The following GRIA1 variants were observed in gnomAD, a reference collection of about 807,000 sequenced individuals.
GRIA1 encodes glutamate ionotropic receptor AMPA type subunit 1.
GRIA1 carries 31 observed loss-of-function variants against 99.2 expected under a neutral mutation model. The observed-to-expected ratio is 0.31, with a 90% CI of 0.23 to 0.42. The LOEUF is 0.42. GRIA1 is among the 10% of genes least tolerant of loss of function. GRIA1 has a pLI of 1.00. For synonymous variants in GRIA1, 438 were observed against 432.4 expected, an observed-to-expected ratio of 1.01 and a Z score of -0.16; for missense variants, 782 against 1,157.5, an observed-to-expected ratio of 0.68 and a Z score of 4.71.
At chr5:153,648,021 C>T (rs1754285202) in intron 3 of GRIA1, among the ~76,000 whole-genome samples, 2 of 152,236 alleles carry the variant, frequency 1.3e-5, no homozygotes, top group South Asian at 4.1e-4. Flanking sequence ...ATAATTTATT[C>T]ACTACTGGTG....
chr5:153,801,998 G>C (rs1311078563), intron 14 of GRIA1, among the ~76,000 whole-genome samples: 1 of 151,650 alleles, frequency 6.6e-6, no homozygotes, highest in Non-Finnish European at 1.5e-5. Context: ...GAAGGGACAT[G>C]GTTTTTTGAA....
chr5:153,620,362 C>A (rs77472589), intron 2 of GRIA1, among the ~76,000 whole-genome samples: 36 of 151,872 alleles, frequency 2.4e-4, no homozygotes, highest in Admixed American at 2.1e-3. Context: ...TGAGACAATG[C>A]GACAAGCACT....
intron 11 of GRIA1, among the ~76,000 whole-genome samples, chr5:153,748,226 A>C (rs1222681220): frequency 1.3e-5 from 2 of 152,228 alleles, no homozygotes; most frequent in African/African-American, 4.8e-5. Flanking sequence ...GGAGGTAATG[A>C]TACTTAGAGT....
intron 2 of GRIA1, among the ~76,000 whole-genome samples, chr5:153,589,599 G>T (rs1439637494): frequency 6.6e-6 from 1 of 151,998 alleles, no homozygotes; most frequent in African/African-American, 2.4e-5. Context: ...GTGTGATTCG[G>T]TGGTTTTATT....
At chr5:153,701,991 G>T (rs1368417185) in intron 10 of GRIA1, among the ~76,000 whole-genome samples, 1 of 152,170 alleles carries the variant, frequency 6.6e-6, no homozygotes, top group East Asian at 1.9e-4. Flanking sequence ...GACTTCATGA[G>T]GTGGGTAAGA....
chr5:153,624,759 A>C (rs534362662), intron 2 of GRIA1, among the ~76,000 whole-genome samples: 6 of 152,348 alleles, frequency 3.9e-5, no homozygotes, highest in East Asian at 1.9e-4. Flanking sequence ...AGATTAGATA[A>C]TCACGTGGAA....
At chr5:153,569,597 C>A (rs759260716) in intron 2 of GRIA1, among the ~76,000 whole-genome samples, 12 of 152,186 alleles carry the variant, frequency 7.9e-5, no homozygotes, top group Non-Finnish European at 1.8e-4. Context: ...TAACATTGAC[C>A]TGAATTCTGT....
chr5:153,763,306 C>T (rs1041587048), intron 11 of GRIA1, among the ~76,000 whole-genome samples: 1 of 152,136 alleles, frequency 6.6e-6, no homozygotes, highest in Non-Finnish European at 1.5e-5. Flanking sequence ...ACTGCTGTCC[C>T]GAGGCACAGT....
At chr5:153,653,478 G>T (rs951906298) in intron 4 of GRIA1, among the ~76,000 whole-genome samples, 5 of 152,166 alleles carry the variant, frequency 3.3e-5, no homozygotes, top group Admixed American at 3.3e-4. Flanking sequence ...AGTCAGTGAA[G>T]GTTTGTGAGC....
rs548508679 is a variant in GRIA1, at chr5:153,516,423, C to A, written c.220+22358C>A. On this transcript the variant is annotated intron_variant, in intron 2 of 15. Coordinates refer to ENST00000285900, the MANE Select transcript of GRIA1 (RefSeq NM_000827.4). The stretch of plus-strand genomic sequence containing the variant: ...AATCCCACTTGATCCCCACAGCACC[C>A]TTTGGGGGAAAGAGAGTAGTTGATA... Among the ~76,000 whole-genome samples, 318 of 151,726 alleles carry A rather than the reference C, an allele frequency of 2.1e-3. 2 individuals carry two copies. The highest frequency in any genetic ancestry group is 7.2e-3 in the African/African-American group (297 of 41,326).
intron 11 of GRIA1, among the ~76,000 whole-genome samples, chr5:153,714,839 A>C (rs1430335617): frequency 6.6e-6 from 1 of 152,252 alleles, no homozygotes; most frequent in African/African-American, 2.4e-5. Context: ...CGGAGATAAT[A>C]GGTGAATTAA....
chr5:153,552,455 T>C (rs1015917317), intron 2 of GRIA1, among the ~76,000 whole-genome samples: 1 of 152,086 alleles, frequency 6.6e-6, no homozygotes, highest in Admixed American at 6.6e-5. Context: ...GTTCACAGAC[T>C]TACAGAGTTT....
At chr5:153,788,547 C>T (rs1765114575) in intron 13 of GRIA1, among the ~76,000 whole-genome samples, 1 of 152,178 alleles carries the variant, frequency 6.6e-6, no homozygotes. Flanking sequence ...ATCACCCAAC[C>T]CTCTTCTCTC....
intron 11 of GRIA1, among the ~76,000 whole-genome samples, chr5:153,710,595 C>T (rs1357316298): frequency 6.6e-6 from 1 of 152,170 alleles, no homozygotes. Flanking sequence ...TCATCACAGA[C>T]AAAACTTATC....
intron 14 of GRIA1, among the ~76,000 whole-genome samples, chr5:153,799,200 C>G (rs1472591302): frequency 6.6e-6 from 1 of 152,182 alleles, no homozygotes; most frequent in African/African-American, 2.4e-5. Context: ...TCCCCGATCA[C>G]AGCTGGGAAG....
At chr5:153,503,909 A>G (rs78365924) in intron 2 of GRIA1, among the ~76,000 whole-genome samples, 1 of 152,174 alleles carries the variant, frequency 6.6e-6, no homozygotes, top group Non-Finnish European at 1.5e-5. Flanking sequence ...CTAGATTTTT[A>G]TGCTTAGCTT....
chr5:153,617,721 C>G (rs889778302), intron 2 of GRIA1, among the ~76,000 whole-genome samples: 7 of 152,192 alleles, frequency 4.6e-5, no homozygotes, highest in African/African-American at 1.7e-4. Context: ...CCTCTAATCT[C>G]ATATTTATTA....
chr5:153,564,090 C>A (rs958566193), intron 2 of GRIA1, among the ~76,000 whole-genome samples: 1 of 152,128 alleles, frequency 6.6e-6, no homozygotes, highest in Non-Finnish European at 1.5e-5. Flanking sequence ...CAGGGACCTC[C>A]TCTTGGGCAA....
intron 2 of GRIA1, among the ~76,000 whole-genome samples, chr5:153,598,746 A>C (rs1378458169): frequency 6.6e-6 from 1 of 152,182 alleles, no homozygotes; most frequent in African/African-American, 2.4e-5. Flanking sequence ...GAAAATCTAC[A>C]ATCTATCTGT....
Sources: allele counts gnomAD v4.1 joint callset (sites outside exome capture counted in the v4.1 genomes callset), GRCh38; gene constraint gnomAD v4.1.1; transcripts MANE v1.5; gene names NCBI Gene and HGNC (gene_info 2026-07-23, HGNC 2026-07-21).